The following UGT2A1 variants were observed in gnomAD, a reference collection of about 807,000 sequenced individuals.
UGT2A1 encodes the protein UDP glucuronosyltransferase family 2 member A1 complex locus.
A neutral mutation model predicts 45.4 loss-of-function variants in UGT2A1; 61 were observed. The observed-to-expected ratio is 1.34, with a 90% CI of 1.09 to 1.66. UGT2A1 has a LOEUF of 1.66. Among genes scored for constraint, UGT2A1 ranks in the 40% most tolerant of loss-of-function variants. UGT2A1 has a pLI of 0.00. For synonymous variants in UGT2A1, 229 were observed against 196.2 expected, an observed-to-expected ratio of 1.17 and a Z score of -1.40; for missense variants, 649 against 574.3, an observed-to-expected ratio of 1.13 and a Z score of -1.33.
At chr4:69,645,535 A>G (rs1280493672) in intron 2 of UGT2A1, among the ~76,000 whole-genome samples, 2 of 151,670 alleles carry the variant, frequency 1.3e-5, no homozygotes, top group East Asian at 3.9e-4. Flanking sequence ...GTAGTCTCAT[A>G]CTGCATTATT....
chr4:69,623,575 A>T lies in UGT2A1; in HGVS notation c.847+12116T>A, dbSNP rs534863779. 4.0e-5 allele frequency among the ~76,000 whole-genome samples: 6 copies of T among 151,502 alleles called. No homozygotes were observed. In the South Asian group the frequency reaches 1.2e-3, roughly 31 times the overall value. Reference sequence around the variant, plus strand: ...AAATAATATTTTACATTATTTAATGATAGATACAAAATGTACAAAGACATA... The same window carrying T: ...AAATAATATTTTACATTATTTAATGTTAGATACAAAATGTACAAAGACATA... On this transcript the variant is annotated intron_variant, in intron 3 of 6. Transcript: ENST00000286604.
intron 3 of UGT2A1, among the ~76,000 whole-genome samples, chr4:69,627,004 C>T (rs28508252): frequency 0.35 from 53,120 of 151,172 alleles, 9,686 homozygotes; most frequent in African/African-American, 0.43. Context: ...CTCCAGTGAA[C>T]GGTATTTTAT....
At chr4:69,617,101 A>C (rs1462113987) in intron 3 of UGT2A1, among the ~76,000 whole-genome samples, 1 of 151,936 alleles carries the variant, frequency 6.6e-6, no homozygotes, top group Non-Finnish European at 1.5e-5. Context: ...TGTAAAATAA[A>C]GTTAGAATTA....
chr4:69,598,154 C>A (rs17617467), intron 4 of UGT2A1, among the ~76,000 whole-genome samples: 27,637 of 152,004 alleles, frequency 0.18, 2,858 homozygotes, highest in Non-Finnish European at 0.24. Context: ...AGCTTGCCTG[C>A]AGCCATAACT....
rs1348275937 is a variant in UGT2A1 at position 69,596,184 on chromosome 4, A to G, written c.997-935T>C. On this transcript the variant is annotated intron_variant, in intron 4 of 6. Coordinates refer to ENST00000286604, the MANE Select transcript of UGT2A1 (RefSeq NM_001252275.3). ...GTTTTGATTTTCATATGGAAAGAACATTACTAGCTGCATTGTCTCTCCCAT... is the reference window on the plus strand; with the variant it reads ...GTTTTGATTTTCATATGGAAAGAACGTTACTAGCTGCATTGTCTCTCCCAT... The G allele has an allele frequency of 2.1e-6, 3 of 1,398,066 alleles. No individual in the cohort carries two copies. In the African/African-American group the frequency reaches 4.4e-5, roughly 20 times the overall value. The allele number at this position is 1,398,066 out of a possible 1,614,324, so 86.6% of individuals were successfully genotyped here.
chr4:69,611,527 C>T (rs1199819031), intron 3 of UGT2A1, among the ~76,000 whole-genome samples: 2 of 151,906 alleles, frequency 1.3e-5, no homozygotes, highest in East Asian at 1.9e-4. Flanking sequence ...AAGAGTAATG[C>T]TACATGATAT....
intron 3 of UGT2A1, among the ~76,000 whole-genome samples, chr4:69,608,893 T>G (rs1719850332): frequency 6.6e-6 from 1 of 152,070 alleles, no homozygotes; most frequent in South Asian, 2.1e-4. Flanking sequence ...TTTAAACAAA[T>G]TTATATGTTT....
At chr4:69,612,249 A>G (rs1720107596) in intron 3 of UGT2A1, among the ~76,000 whole-genome samples, 1 of 152,064 alleles carries the variant, frequency 6.6e-6, no homozygotes, top group Admixed American at 6.6e-5. Context: ...AGAATATAAA[A>G]TTATTCCATA....
At chr4:69,610,951 A>G (rs1719999683) in intron 3 of UGT2A1, among the ~76,000 whole-genome samples, 2 of 152,158 alleles carry the variant, frequency 1.3e-5, no homozygotes, top group Admixed American at 1.3e-4. Context: ...TTGTTAGTTC[A>G]CATTTCCTTA....
chr4:69,614,091 C>G (rs1415187643), intron 3 of UGT2A1, among the ~76,000 whole-genome samples: 1 of 128,962 alleles, frequency 7.8e-6, no homozygotes, highest in Non-Finnish European at 1.7e-5. Flanking sequence ...AACAACCTCA[C>G]CAAAAACTGT....
intron 3 of UGT2A1, among the ~76,000 whole-genome samples, chr4:69,606,600 G>A (rs1425455029): frequency 7.3e-6 from 1 of 136,290 alleles, no homozygotes; most frequent in East Asian, 2.1e-4. Context: ...AGGAAATAAA[G>A]GGTATTCAAT....
At chr4:69,627,582 G>GA (rs910514836) in intron 3 of UGT2A1, among the ~76,000 whole-genome samples, 1 of 142,532 alleles carries the variant, frequency 7.0e-6, no homozygotes, top group East Asian at 2.0e-4. Flanking sequence ...AAGAGAGAAA[G>GA]AAAAAAAGAA....
intron 3 of UGT2A1, among the ~76,000 whole-genome samples, chr4:69,618,932 A>G (rs990254148): frequency 3.3e-5 from 5 of 152,052 alleles, no homozygotes; most frequent in Admixed American, 1.3e-4. Flanking sequence ...AAAACTCAGG[A>G]TCAAGACAAA....
chr4:69,596,206 C>T, intron 4 of UGT2A1: 2 of 1,439,742 alleles, frequency 1.4e-6, no homozygotes, highest in Non-Finnish European at 1.8e-6. Flanking sequence ...ATTGTCTCTC[C>T]CATTAGTAAA....
chr4:69,608,168 C>A (rs560263017), intron 3 of UGT2A1, among the ~76,000 whole-genome samples: 1 of 152,178 alleles, frequency 6.6e-6, no homozygotes, highest in East Asian at 1.9e-4. Context: ...TTGGAACCAA[C>A]CCAAATGTCC....
chr4:69,593,840 ATTAGT>A (rs1453982354), intron 6 of UGT2A1, among the ~76,000 whole-genome samples: 2 of 151,836 alleles, frequency 1.3e-5, no homozygotes. Flanking sequence ...GTATTTACTG[ATTAGT>A]TTATAATATG....
intron 2 of UGT2A1, among the ~76,000 whole-genome samples, chr4:69,640,926 A>G (rs1012219384): frequency 3.3e-5 from 5 of 151,932 alleles, no homozygotes; most frequent in African/African-American, 1.2e-4. Context: ...GGGGTTTAAA[A>G]ATCTTCATAA....
At chr4:69,634,369 T>C (rs1721562969) in intron 3 of UGT2A1, among the ~76,000 whole-genome samples, 1 of 151,854 alleles carries the variant, frequency 6.6e-6, no homozygotes, top group Non-Finnish European at 1.5e-5. Flanking sequence ...TAACAGAAAC[T>C]CCAAGTTTTC....
rs1465886704 is a variant in UGT2A1 at position 69,622,797 on chromosome 4, C to T, written c.847+12894G>A. On this transcript the variant is annotated intron_variant, in intron 3 of 6. Coordinates refer to ENST00000286604, the MANE Select transcript of UGT2A1 (RefSeq NM_001252275.3). ...TAGGGTCAACAGGAATATAGACGTT[C>T]AAGGTCCTCAAACACATTCATCCAG... Among the ~76,000 whole-genome samples, 5 of 151,710 alleles carry T rather than the reference C, an allele frequency of 3.3e-5. No homozygotes were observed. In the South Asian group the frequency reaches 6.2e-4, roughly 19 times the overall value.
Sources: gnomAD v4.1 joint callset for allele counts (sites outside exome capture counted in the v4.1 genomes callset) on GRCh38, gnomAD v4.1.1 for gene constraint, MANE v1.5 for transcripts, NCBI Gene and HGNC (gene_info 2026-07-23, HGNC 2026-07-21) for gene names.